Variants in KCTD8 observed in about 807,000 individuals in gnomAD.
KCTD8 encodes BTB/POZ domain-containing protein KCTD8.
KCTD8 carries 27 observed loss-of-function variants against 31.5 expected under a neutral mutation model. That is an observed-to-expected ratio of 0.86 (90% confidence interval 0.63 to 1.18). The LOEUF is 1.18. Among genes scored for constraint, KCTD8 ranks in the 50% most tolerant of loss-of-function variants. The pLI is 0.00. For missense variants in KCTD8, 658 were observed against 647.7 expected, an observed-to-expected ratio of 1.02 and a Z score of -0.17; for synonymous variants, 290 against 280.0, an observed-to-expected ratio of 1.04 and a Z score of -0.36.
At chr4:44,360,543 G>A (rs1010024517) in intron 1 of KCTD8, among the ~76,000 whole-genome samples, 25 of 152,116 alleles carry the variant, frequency 1.6e-4, no homozygotes, top group Middle Eastern at 3.4e-3. Context: ...GTCTAGAGAA[G>A]TAAACTAAGG....
chr4:44,255,587 T>G (rs1049054031), intron 1 of KCTD8, among the ~76,000 whole-genome samples: 3 of 151,890 alleles, frequency 2.0e-5, no homozygotes, highest in African/African-American at 7.2e-5. Context: ...CATGTCCCTA[T>G]GTCAGTAATT....
At chr4:44,439,922 T>A (rs2109483650) in intron 1 of KCTD8, among the ~76,000 whole-genome samples, 1 of 150,324 alleles carries the variant, frequency 6.7e-6, no homozygotes, top group Admixed American at 6.6e-5. Flanking sequence ...ATTTATTTAT[T>A]TATTTATTTA....
At chr4:44,389,645 T>G (rs1720317194) in intron 1 of KCTD8, among the ~76,000 whole-genome samples, 1 of 151,760 alleles carries the variant, frequency 6.6e-6, no homozygotes, top group African/African-American at 2.4e-5. Flanking sequence ...TTTTGCAAGA[T>G]GTAAAGAGTT....
chr4:44,391,921 T>C (rs1344518854), intron 1 of KCTD8, among the ~76,000 whole-genome samples: 4 of 151,964 alleles, frequency 2.6e-5, no homozygotes, highest in Non-Finnish European at 5.9e-5. Flanking sequence ...AAATCAGTCT[T>C]CTTAAATTTG....
chr4:44,418,024 G>C (rs148159554), intron 1 of KCTD8, among the ~76,000 whole-genome samples: 1,611 of 152,238 alleles, frequency 0.011, 27 homozygotes, highest in African/African-American at 0.037. Flanking sequence ...TCAATGTCTA[G>C]CAGAGCAGAC....
chr4:44,190,930 T>C (rs1713746584), intron 1 of KCTD8, among the ~76,000 whole-genome samples: 1 of 152,210 alleles, frequency 6.6e-6, no homozygotes, highest in South Asian at 2.1e-4. Context: ...CCTTGAAATA[T>C]AACAGACCTC....
intron 1 of KCTD8, among the ~76,000 whole-genome samples, chr4:44,209,141 G>T (rs141996470): frequency 6.6e-6 from 1 of 152,180 alleles, no homozygotes; most frequent in Admixed American, 6.6e-5. Flanking sequence ...AATATTTAAT[G>T]ATCTGTTAAA....
intron 1 of KCTD8, among the ~76,000 whole-genome samples, chr4:44,202,128 G>A (rs774160534): frequency 2.6e-4 from 39 of 152,020 alleles, no homozygotes; most frequent in Non-Finnish European, 4.4e-4. Flanking sequence ...TTATTGAAAA[G>A]TTAAAAAAAA....
intron 1 of KCTD8, among the ~76,000 whole-genome samples, chr4:44,223,052 G>A (rs1714853137): frequency 2.0e-5 from 3 of 152,142 alleles, no homozygotes; most frequent in South Asian, 4.1e-4. Context: ...TGCAAGAAGG[G>A]CAATATTGGA....
chr4:44,269,702 C>G (rs1331627050), intron 1 of KCTD8, among the ~76,000 whole-genome samples: 5 of 149,900 alleles, frequency 3.3e-5, no homozygotes, highest in East Asian at 2.0e-4. Context: ...AAGAAAAAAG[C>G]AAACAACCCC....
intron 1 of KCTD8, among the ~76,000 whole-genome samples, chr4:44,297,194 A>C (rs146399113): frequency 6.6e-6 from 1 of 152,158 alleles, no homozygotes; most frequent in African/African-American, 2.4e-5. Flanking sequence ...ATAGGGAAAA[A>C]GTATTCCATA....
chr4:44,343,854 G>C (rs1337738695), intron 1 of KCTD8, among the ~76,000 whole-genome samples: 2 of 151,690 alleles, frequency 1.3e-5, no homozygotes, highest in Non-Finnish European at 2.9e-5. Flanking sequence ...TGTTGTTGTT[G>C]TTTGTTTGTT....
intron 1 of KCTD8, among the ~76,000 whole-genome samples, chr4:44,270,251 T>C (rs953085941): frequency 1.3e-5 from 2 of 151,648 alleles, no homozygotes; most frequent in African/African-American, 4.9e-5. Context: ...GGGACATGGA[T>C]GAAATTGGAA....
intron 1 of KCTD8, among the ~76,000 whole-genome samples, chr4:44,232,756 C>A (rs1403579181): frequency 1.3e-5 from 2 of 151,992 alleles, no homozygotes; most frequent in Non-Finnish European, 2.9e-5. Context: ...CCAACAGTAG[C>A]TGCTATGTTT....
chr4:44,201,253 AATTAT>A (rs1049422985), intron 1 of KCTD8, among the ~76,000 whole-genome samples: 36 of 152,150 alleles, frequency 2.4e-4, no homozygotes, highest in African/African-American at 8.2e-4. Flanking sequence ...TTACAAATTC[AATTAT>A]ATTATATCAA....
chr4:44,256,445 C>G (rs1042069446), intron 1 of KCTD8, among the ~76,000 whole-genome samples: 1 of 151,494 alleles, frequency 6.6e-6, no homozygotes, highest in Non-Finnish European at 1.5e-5. Context: ...ATAGATACTT[C>G]GAGAAAAAAG....
rs10938338 is a variant in KCTD8, at chr4:44,417,616, T to C, written c.961+29947A>G. Among the ~76,000 whole-genome samples, 3 of 35,322 alleles carry C rather than the reference T, an allele frequency of 8.5e-5. 1 individual carries two copies. The Admixed American group carries it at 9.2e-4, about 11-fold the overall frequency. 23.2% of individuals were successfully genotyped at this position (35,322 alleles called of 152,430 possible). A position where few individuals can be genotyped will look rare whatever the true frequency, so the allele number is the denominator to read the frequency against. ...AAAATCTCTTTTATGAAGCCCAAAA[T>C]ATAGATAAACAATATGCTGTTTGCC... On this transcript the variant is annotated intron_variant, in intron 1 of 1. Coordinates refer to ENST00000360029, the MANE Select transcript of KCTD8 (RefSeq NM_198353.3).
chr4:44,349,334 G>A (rs1719139249), intron 1 of KCTD8, among the ~76,000 whole-genome samples: 1 of 152,122 alleles, frequency 6.6e-6, no homozygotes, highest in African/African-American at 2.4e-5. Flanking sequence ...TATGGGTGAG[G>A]AAAACAGCAC....
chr4:44,187,892 G>GGC (rs1713634993), intron 1 of KCTD8, among the ~76,000 whole-genome samples: 1 of 151,714 alleles, frequency 6.6e-6, no homozygotes, highest in African/African-American at 2.4e-5. Flanking sequence ...ATACTAAACA[G>GGC]CTGCCTTAGA....
Sources: gnomAD v4.1 joint callset for allele counts (sites outside exome capture counted in the v4.1 genomes callset) on GRCh38, gnomAD v4.1.1 for gene constraint, MANE v1.5 for transcripts, NCBI Gene and HGNC (gene_info 2026-07-23, HGNC 2026-07-21) for gene names.